ANKDD1B: variants seen among roughly 807,000 people sequenced by gnomAD.
The protein encoded by ANKDD1B is ankyrin repeat and death domain containing 1B.
Under a neutral mutation model 59.7 loss-of-function variants are expected in ANKDD1B, and 57 were observed. The ratio of observed to expected loss-of-function variants is 0.95; its 90% CI spans 0.77 to 1.19. The LOEUF (loss-of-function observed/expected upper bound fraction) is 1.19, where lower values mean the gene tolerates loss of function less well. ANKDD1B is among the 50% of genes most tolerant of loss of function. The pLI is 0.00. For synonymous variants in ANKDD1B, 216 were observed against 239.5 expected, an observed-to-expected ratio of 0.90 and a Z score of 0.91; for missense variants, 602 against 641.9, an observed-to-expected ratio of 0.94 and a Z score of 0.67.
At chr5:75,613,966 T>C (rs1267130805) in intron 1 of ANKDD1B, among the ~76,000 whole-genome samples, 1 of 152,208 alleles carries the variant, frequency 6.6e-6, no homozygotes, top group Non-Finnish European at 1.5e-5. Context: ...TCTTTACATT[T>C]AAAAGAAAGA....
At position 75,671,098 on chromosome 5, in the gene ANKDD1B, C is replaced by A; in HGVS notation, c.*58C>A. 2 of 817,054 alleles carry A rather than the reference C, an allele frequency of 2.4e-6. No homozygotes were observed. Among genetic ancestry groups the A allele is most frequent in the Non-Finnish European group, 3.3e-6 (2 of 609,044 alleles). The allele number at this position is 817,054 out of a possible 1,614,324, so 50.6% of individuals were successfully genotyped here. A position where few individuals can be genotyped will look rare whatever the true frequency, so the allele number is the denominator to read the frequency against. On this transcript the variant is annotated 3_prime_UTR_variant, in exon 14 of 14. Coordinates refer to ENST00000601380, the MANE Select transcript of ANKDD1B (RefSeq NM_001276713.2). ...CACTCAGCATTCAGTTCTTTTAATG[C>A]CATAAATTTCTTCTAGCAGTAGCAC...
chr5:75,654,671 C>A (rs1269928789), intron 8 of ANKDD1B, among the ~76,000 whole-genome samples: 1 of 152,052 alleles, frequency 6.6e-6, no homozygotes, highest in African/African-American at 2.4e-5. Flanking sequence ...CAGAGTGAAA[C>A]CCCATCTCTG....
In ANKDD1B at chr5:75,625,910, T is replaced by G. The variant is rs985287719; in HGVS notation, c.555T>G (p.Tyr185Ter). The change falls in exon 5 of 14, where the codon TAT becomes TAG. Residue 185 changes from tyrosine to a stop codon, truncating the protein, a stop_gained. Coordinates refer to ENST00000601380, the MANE Select transcript of ANKDD1B (RefSeq NM_001276713.2). LOFTEE classifies it high-confidence loss of function. Reference sequence around the variant, plus strand: ...GCAATCATGTGCGCATCGTGGAGTATCTTATTCAAGATCTGCACCTCAAGG... The same window carrying G: ...GCAATCATGTGCGCATCGTGGAGTAGCTTATTCAAGATCTGCACCTCAAGG... ...TQSNHVRIVE[Y>*]LIQDLHLKDL... 3 of 1,536,084 alleles carry G rather than the reference T, an allele frequency of 2.0e-6. No individual in the cohort carries two copies. In the African/African-American group the frequency reaches 4.1e-5, roughly 21 times the overall value.
chr5:75,620,214 T>G, intron 2 of ANKDD1B, 101 bp from the exon 3 acceptor site: 2 of 590,856 alleles, frequency 3.4e-6, no homozygotes. Context: ...ACAATCAAAA[T>G]AGAAACACTT....
chr5:75,615,503 G>A lies in ANKDD1B; in HGVS notation c.194-1301G>A, dbSNP rs71628912. ...TGCATGAGTCTACTCAGGCTGCCAC[G>A]ACAAAGTACAGCAGACTGGATGGCT... On this transcript the variant is annotated intron_variant, in intron 1 of 13. Coordinates refer to ENST00000601380, the MANE Select transcript of ANKDD1B (RefSeq NM_001276713.2). Among the ~76,000 whole-genome samples, 1,085 of 152,250 alleles carry A rather than the reference G, an allele frequency of 7.1e-3. 13 individuals carry two copies. Among genetic ancestry groups the A allele is most frequent in the East Asian group, 0.044 (229 of 5,180 alleles).
chr5:75,666,865 C>G lies in ANKDD1B; in HGVS notation c.1265C>G (p.Thr422Ser). 6.5e-7 allele frequency: 1 copy of G among 1,535,914 alleles called. No homozygotes were observed. The highest frequency in any genetic ancestry group is 8.7e-7 in the Non-Finnish European group (1 of 1,146,830). ...TTCAAGCAAGATCACAGTCTGGAGA[C>G]CAGACACATTCGCACGCTTCTCTGG... ...LTFKQDHSLE[T>S]RHIRTLLWDL... is the part of the protein sequence containing the mutation. Residue 422 changes from threonine to serine, a missense_variant, in exon 12 of 14, where the codon ACC (threonine) becomes AGC (serine). Physicochemically the swap from Thr to Ser is moderately conservative, Grantham distance 58. Coordinates refer to ENST00000601380, the MANE Select transcript of ANKDD1B (RefSeq NM_001276713.2).
At position 75,634,922 on chromosome 5, in the gene ANKDD1B, G is replaced by A. The variant is rs764291510; in HGVS notation, c.625G>A (p.Ala209Thr). Residue 209 changes from alanine to threonine, a missense_variant, in exon 6 of 14, where the codon GCA becomes ACA. By Grantham distance (58) the Ala-to-Thr change is moderately conservative. Transcript: ENST00000601380. The part of the protein sequence containing the change: ...DEKGRKPFLL[A>T]AERGHVEMIE... ...GAAAGGAAGAAAACCATTTCTTTTG[G>A]CAGCTGAGAGGGGCCATGTTGAAAT... The A allele has an allele frequency of 6.5e-7, 1 of 1,534,884 alleles. No homozygotes were observed. Among genetic ancestry groups the A allele is most frequent in the Non-Finnish European group, 8.7e-7 (1 of 1,145,772 alleles).
chr5:75,650,996 A>G (rs1774814666), intron 7 of ANKDD1B, among the ~76,000 whole-genome samples: 1 of 152,236 alleles, frequency 6.6e-6, no homozygotes. Context: ...CATGTGCCTC[A>G]GCCTACAGCC....
At chr5:75,612,648 C>T (rs943739087) in intron 1 of ANKDD1B, among the ~76,000 whole-genome samples, 10 of 152,206 alleles carry the variant, frequency 6.6e-5, no homozygotes, top group Non-Finnish European at 1.3e-4. Flanking sequence ...AACAAGACAA[C>T]CCCTGTTCTG....
chr5:75,645,483 A>G (rs1360653042), intron 7 of ANKDD1B, among the ~76,000 whole-genome samples: 2 of 22,816 alleles, frequency 8.8e-5, no homozygotes, highest in African/African-American at 5.1e-4. Flanking sequence ...CTATGCAAAT[A>G]AACTAGAAAA....
At chr5:75,628,224 G>A (rs557359267) in intron 5 of ANKDD1B, among the ~76,000 whole-genome samples, 95 of 152,330 alleles carry the variant, frequency 6.2e-4, no homozygotes, top group African/African-American at 2.2e-3. Flanking sequence ...TAGGAGGAAG[G>A]GAAAGTGGGA....
intron 12 of ANKDD1B, 46 bp downstream of exon 12, chr5:75,667,039 GAA>G (rs1435470505): frequency 2.4e-6 from 3 of 1,239,938 alleles, no homozygotes; most frequent in Non-Finnish European, 3.2e-6. Flanking sequence ...TCACTGTTAG[GAA>G]CAGCAGTGCC....
chr5:75,651,984 C>G (rs541121220), intron 7 of ANKDD1B, among the ~76,000 whole-genome samples: 4 of 152,244 alleles, frequency 2.6e-5, no homozygotes, highest in South Asian at 4.1e-4. Context: ...GGGCATGGGT[C>G]TCATTCATAA....
chr5:75,642,850 T>C (rs1774519143), intron 7 of ANKDD1B, among the ~76,000 whole-genome samples: 1 of 9,048 alleles, frequency 1.1e-4, no homozygotes, highest in East Asian at 2.3e-3. Context: ...TGTCCCTGTC[T>C]GACAGCTTTG....
At chr5:75,616,738 A>G (rs1773726216) in intron 1 of ANKDD1B, 66 bp from the exon 2 acceptor site, 3 of 699,376 alleles carry the variant, frequency 4.3e-6, no homozygotes, top group Non-Finnish European at 7.0e-6. Context: ...GGTTTGCCCT[A>G]TGAAATATGC....
chr5:75,654,923 G>T (rs540586144), intron 8 of ANKDD1B, among the ~76,000 whole-genome samples: 201 of 152,208 alleles, frequency 1.3e-3, no homozygotes, highest in African/African-American at 4.6e-3. Context: ...TCACACCCCT[G>T]TCCACCTTCC....
At chr5:75,667,464 A>G (rs59593001) in intron 12 of ANKDD1B, among the ~76,000 whole-genome samples, 21,327 of 152,088 alleles carry the variant, frequency 0.14, 1,614 homozygotes, top group East Asian at 0.33. Context: ...AGGTGGGTGT[A>G]GGAGAAAGGG....
Position 75,656,045 on chromosome 5 carries a change from T to A in ANKDD1B, c.914T>A (p.Leu305His). ...TCTCTGCAGCCTAAGGAGTCCCCTC[T>A]TCATTTAGTTGTTATCAACAACCAC... ...HQKVEPKESPLHLVVINNHIT... is the reference protein window; with the variant it reads ...HQKVEPKESPHHLVVINNHIT... The change falls in exon 9 of 14, where the codon CTT becomes CAT. Residue 305 changes from leucine (L) to histidine (H), a missense_variant. Leu to His is a moderately conservative substitution (Grantham distance 99). Coordinates refer to ENST00000601380, the MANE Select transcript of ANKDD1B (RefSeq NM_001276713.2). The A allele has an allele frequency of 6.7e-7, 1 of 1,501,172 alleles. No homozygotes were observed. The highest frequency in any genetic ancestry group is 2.5e-5 in the East Asian group (1 of 40,676). 93.0% of individuals were successfully genotyped at this position (1,501,172 alleles called of 1,614,324 possible). A position where few individuals can be genotyped will look rare whatever the true frequency, so the allele number is the denominator to read the frequency against.
At chr5:75,655,219 A>G (rs1220319092) in intron 8 of ANKDD1B, among the ~76,000 whole-genome samples, 1 of 152,152 alleles carries the variant, frequency 6.6e-6, no homozygotes, top group Admixed American at 6.5e-5. Context: ...TGGTTGGGAT[A>G]AGTGAGAGGG....
Sources: allele counts gnomAD v4.1 joint callset (sites outside exome capture counted in the v4.1 genomes callset), GRCh38; gene constraint gnomAD v4.1.1; transcripts MANE v1.5; gene names NCBI Gene and HGNC (gene_info 2026-07-23, HGNC 2026-07-21).